FBN2: variants seen among roughly 807,000 people sequenced by gnomAD.
The protein encoded by FBN2 is fibrillin 2, also known as fibrillin-2.
In FBN2, 105 loss-of-function variants were observed where a neutral mutation model predicts 355.6. The ratio of observed to expected loss-of-function variants is 0.30; its 90% CI spans 0.25 to 0.35. FBN2 has a LOEUF of 0.35. Among genes scored for constraint, FBN2 ranks in the 10% least tolerant of loss-of-function variants. FBN2 has a pLI of 1.00. For synonymous variants in FBN2, 1,350 were observed against 1,301.2 expected (o/e 1.04, Z -0.81); for missense variants, 3,280 against 3,758.7 (o/e 0.87, Z 3.33).
intron 2 of FBN2, among the ~76,000 whole-genome samples, chr5:128,535,640 C>G (rs1756825221): frequency 6.6e-6 from 1 of 152,154 alleles, no homozygotes; most frequent in Non-Finnish European, 1.5e-5. Flanking sequence ...CTAATGAGCT[C>G]TCCAATTAGA....
At position 128,377,873 on chromosome 5, in the gene FBN2, A is replaced by C. The variant is rs759893154; in HGVS notation, c.1728T>G (p.Ile576Met). The change falls in exon 13 of 65, where the codon ATT becomes ATG. Residue 576 changes from isoleucine (I) to methionine (M), a missense_variant. Ile to Met is a conservative substitution (Grantham distance 10, BLOSUM62 1). Transcript: ENST00000262464. ...RTPTKQACID[I>M]DECIQNGVLC... ...GAACCCCATTCTGGATGCACTCATC[A>C]ATATCTAGGAAGATTGAGAATGGCC... The C allele has an allele frequency of 6.2e-7, 1 of 1,613,186 alleles. No homozygotes were observed. Among genetic ancestry groups the C allele is most frequent in the African/African-American group, 1.3e-5 (1 of 75,014 alleles).
At position 128,537,438 on chromosome 5, in the gene FBN2, C is replaced by T. The variant is rs1286855209; in HGVS notation, c.166G>A (p.Gly56Ser). ...QVRSATAGSE[G>S]GFLAPEYREE... ...CGATACTCGGGCGCTAGAAACCCGCCTTCAGAGCCTGCTGTAGCGGACCGA... is the reference window on the plus strand; with the variant it reads ...CGATACTCGGGCGCTAGAAACCCGCTTTCAGAGCCTGCTGTAGCGGACCGA... Residue 56 changes from glycine (G) to serine (S), a missense_variant, in exon 1 of 65, where the codon GGC (glycine) becomes AGC (serine). Physicochemically the swap from Gly to Ser is moderately conservative, Grantham distance 56 (BLOSUM62 0). Transcript: ENST00000262464. The T allele has an allele frequency of 6.2e-7, 1 of 1,608,860 alleles. No individual in the cohort carries two copies. The highest frequency in any genetic ancestry group is 1.1e-5 in the South Asian group (1 of 90,246).
At chr5:128,522,575 G>A (rs974816951) in intron 4 of FBN2, among the ~76,000 whole-genome samples, 3 of 152,072 alleles carry the variant, frequency 2.0e-5, no homozygotes, top group Non-Finnish European at 2.9e-5. Context: ...ACATTTGTAC[G>A]AAAATGTTCT....
At chr5:128,376,995 G>C in intron 13 of FBN2, 142 bp from the exon 14 acceptor site, 1 of 982,410 alleles carries the variant, frequency 1.0e-6, no homozygotes, top group Non-Finnish European at 1.6e-6. Context: ...AAAAAAGAAC[G>C]CCAACTGAAT....
intron 6 of FBN2, among the ~76,000 whole-genome samples, 155 bp downstream of exon 6, chr5:128,464,569 A>C (rs1165263917): frequency 6.6e-6 from 1 of 152,230 alleles, no homozygotes; most frequent in Non-Finnish European, 1.5e-5. Flanking sequence ...TAGGTGGCTA[A>C]AAGATAAACC....
At chr5:128,323,312 G>C (rs1750440459) in intron 34 of FBN2, among the ~76,000 whole-genome samples, 1 of 152,184 alleles carries the variant, frequency 6.6e-6, no homozygotes. Flanking sequence ...GGAGTGGTGA[G>C]AGAGGGCATC....
chr5:128,378,038 G>C (rs1581251262), intron 12 of FBN2, among the ~76,000 whole-genome samples, 161 bp from the exon 13 acceptor site: 1 of 137,480 alleles, frequency 7.3e-6, no homozygotes, highest in Non-Finnish European at 1.5e-5. Flanking sequence ...ATAGGTAGGT[G>C]CAAGCAATTT....
intron 31 of FBN2, 129 bp from the exon 32 acceptor site, chr5:128,333,163 T>C (rs1392929044): frequency 1.0e-5 from 8 of 793,588 alleles, no homozygotes; most frequent in Non-Finnish European, 1.7e-5. Flanking sequence ...GTAGCCTAAC[T>C]AACTTTTATT....
intron 5 of FBN2, among the ~76,000 whole-genome samples, chr5:128,494,913 T>C (rs567201118): frequency 5.9e-5 from 9 of 152,212 alleles, no homozygotes; most frequent in African/African-American, 2.2e-4. Context: ...AGTGTGTCCA[T>C]AGTACACAGG....
chr5:128,267,799 T>C (rs184992851), intron 62 of FBN2, among the ~76,000 whole-genome samples: 274 of 152,318 alleles, frequency 1.8e-3, no homozygotes, highest in Non-Finnish European at 2.0e-3. Flanking sequence ...TAGTTTCTTT[T>C]GCTGTGCAGA....
intron 61 of FBN2, 134 bp from the exon 62 acceptor site, chr5:128,272,252 G>A (rs1581178638): frequency 9.8e-7 from 1 of 1,017,278 alleles, no homozygotes; most frequent in Non-Finnish European, 1.5e-6. Context: ...TAGAGAGGCT[G>A]TCATTTTTCC....
At chr5:128,418,335 T>A (rs753829812) in intron 7 of FBN2, among the ~76,000 whole-genome samples, 1 of 152,134 alleles carries the variant, frequency 6.6e-6, no homozygotes, top group East Asian at 1.9e-4. Context: ...TTTTTCAGTC[T>A]CTATTTTGCT....
Position 128,277,946 on chromosome 5 carries a change from T to G in FBN2, c.7405A>C (p.Met2469Leu), listed in dbSNP as rs863223546. ...TTGCAGAAGCATCGGAATGAGCCCA[T>G]GGTATTGATGCACTGACCATTGGTG... ...LCTNGQCINT[M>L]GSFRCFCKVG... is the part of the protein sequence containing the mutation. Residue 2469 changes from methionine (M) to leucine (L), a missense_variant, in exon 58 of 65, where the codon ATG becomes CTG. Physicochemically the swap from Met to Leu is conservative, Grantham distance 15 (BLOSUM62 2). Coordinates refer to ENST00000262464, the MANE Select transcript of FBN2 (RefSeq NM_001999.4). The G allele has an allele frequency of 1.2e-6, 2 of 1,614,054 alleles. No homozygotes were observed.
At chr5:128,464,313 G>A (rs1303008583) in intron 6 of FBN2, among the ~76,000 whole-genome samples, 1 of 152,102 alleles carries the variant, frequency 6.6e-6, no homozygotes, top group Admixed American at 6.5e-5. Context: ...CCAATATTAG[G>A]TGGCTTTCTT....
At chr5:128,476,227 C>T (rs1212070997) in intron 5 of FBN2, among the ~76,000 whole-genome samples, 1 of 151,872 alleles carries the variant, frequency 6.6e-6, no homozygotes, top group Non-Finnish European at 1.5e-5. Flanking sequence ...ATAAAAATGA[C>T]AAAAGGAAAA....
In FBN2 at chr5:128,345,221, C is replaced by G. The variant is rs978201645; in HGVS notation, c.3217+136G>C. 4 of 761,884 alleles carry G rather than the reference C, an allele frequency of 5.3e-6. No individual in the cohort carries two copies. In the African/African-American group the frequency reaches 6.9e-5, roughly 13 times the overall value. 47.2% of individuals were successfully genotyped at this position (761,884 alleles called of 1,614,324 possible). A position where few individuals can be genotyped will look rare whatever the true frequency, so the allele number is the denominator to read the frequency against. ...GGGGATTTATACTCTTGGGACAGAA[C>G]ATTGGTCACAAAACCTAAGTTTAAC... On this transcript the variant is annotated intron_variant, in intron 24 of 64. Coordinates refer to ENST00000262464, the MANE Select transcript of FBN2 (RefSeq NM_001999.4).
At chr5:128,336,853 A>T (rs1750855791) in intron 27 of FBN2, among the ~76,000 whole-genome samples, 1 of 152,248 alleles carries the variant, frequency 6.6e-6, no homozygotes, top group African/African-American at 2.4e-5. Flanking sequence ...GTATAAGGTA[A>T]GGTAAAAAAC....
At position 128,259,513 on chromosome 5, in the gene FBN2, T is replaced by G. The variant is rs779659640; in HGVS notation, c.8681A>C (p.Tyr2894Ser). 15 of 1,613,664 alleles carry G rather than the reference T, an allele frequency of 9.3e-6. No individual in the cohort carries two copies. The highest frequency in any genetic ancestry group is 1.1e-5 in the Non-Finnish European group (13 of 1,179,952). ...KKLEESNEDD[Y>S]LLGELGEALR... ...AGCCTCCCCAAGCTCCCCTAGGAGG[T>G]AGTCATCCTCATTGCTCTCTTCCAG... is the stretch of plus-strand genomic sequence containing the variant. The change falls in exon 65 of 65, where the codon TAC becomes TCC. Residue 2894 changes from tyrosine (Y) to serine (S), a missense_variant. By Grantham distance (144) the Tyr-to-Ser change is moderately radical. Coordinates refer to ENST00000262464, the MANE Select transcript of FBN2 (RefSeq NM_001999.4).
At chr5:128,527,403 T>G (rs1410688924) in intron 4 of FBN2, among the ~76,000 whole-genome samples, 1 of 152,130 alleles carries the variant, frequency 6.6e-6, no homozygotes, top group Non-Finnish European at 1.5e-5. Context: ...TTAAATATAT[T>G]TAAGCAAAGG....
Sources: gnomAD v4.1 joint callset for allele counts (sites outside exome capture counted in the v4.1 genomes callset) on GRCh38, gnomAD v4.1.1 for gene constraint, MANE v1.5 for transcripts, NCBI Gene and HGNC (gene_info 2026-07-23, HGNC 2026-07-21) for gene names.